The following HDAC7 variants were observed in gnomAD, a reference collection of about 807,000 sequenced individuals.
HDAC7 encodes histone deacetylase 7A.
In HDAC7, 26 loss-of-function variants were observed where a neutral mutation model predicts 115.5. That is an observed-to-expected ratio of 0.23 (90% CI 0.16 to 0.31). The LOEUF (loss-of-function observed/expected upper bound fraction) is 0.31, where lower values mean the gene tolerates loss of function less well. Ranked by LOEUF, HDAC7 falls within the 10% of genes least tolerant of loss-of-function variation. HDAC7 has a pLI of 1.00. For missense variants in HDAC7, 1,068 were observed against 1,329.0 expected (o/e 0.80, Z 3.05); for synonymous variants, 564 against 550.9 (o/e 1.02, Z -0.33).
intron 1 of HDAC7, among the ~76,000 whole-genome samples, chr12:47,811,711 G>C (rs1944675437): frequency 6.6e-6 from 1 of 152,212 alleles, no homozygotes; most frequent in Non-Finnish European, 1.5e-5. Context: ...CAAAGTCAAA[G>C]TGTGACCTCG....
chr12:47,784,246 T>C (rs1425399737), intron 24 of HDAC7, 29 bp from the exon 25 acceptor site: 4 of 1,596,760 alleles, frequency 2.5e-6, no homozygotes, highest in Admixed American at 1.7e-5. Flanking sequence ...TCAGAAAGGG[T>C]TGGAGAAAGC....
At chr12:47,806,964 G>A (rs1200916651) in intron 1 of HDAC7, among the ~76,000 whole-genome samples, 1 of 148,798 alleles carries the variant, frequency 6.7e-6, no homozygotes, top group Non-Finnish European at 1.5e-5. Context: ...TTTTGAGATG[G>A]AGTCTCGCTC....
chr12:47,819,776 G>T lies in HDAC7; in HGVS notation c.10C>A (p.Pro4Thr). MHS[P>T]GADGTQVSPG... ...GCCGCCCAGTACTCACCAGCGCCGGGGCTGTGCATCCAGGGGCCGGGGCCC... is the reference window on the plus strand; with the variant it reads ...GCCGCCCAGTACTCACCAGCGCCGGTGCTGTGCATCCAGGGGCCGGGGCCC... Residue 4 changes from proline to threonine, a missense_variant, in exon 1 of 26, where the codon CCC becomes ACC. Pro to Thr is a conservative substitution (Grantham distance 38, BLOSUM62 -1). Transcript: ENST00000080059. The T allele has an allele frequency of 2.4e-6, 2 of 832,396 alleles. No homozygotes were observed. Among genetic ancestry groups the T allele is most frequent in the African/African-American group, 1.8e-5 (1 of 54,352 alleles). 51.6% of individuals were successfully genotyped at this position (832,396 alleles called of 1,614,324 possible). A position where few individuals can be genotyped will look rare whatever the true frequency, so the allele number is the denominator to read the frequency against.
At position 47,792,002 on chromosome 12, in the gene HDAC7, G is replaced by T; in HGVS notation, c.1681C>A (p.Leu561Met). 1 of 1,604,942 alleles carries T rather than the reference G, an allele frequency of 6.2e-7. No individual in the cohort carries two copies. The highest frequency in any genetic ancestry group is 1.7e-5 in the Admixed American group (1 of 59,604). ...PARTLPFTTG[L>M]IYDSVMLKHQ... ...TTCAGCATGACCGAGTCATAGATCA[G>T]CCCTGCAGGAGCAAGGGTCAGAGCG... The change falls in exon 14 of 26, where the codon CTG (leucine) becomes ATG (methionine). Residue 561 changes from leucine to methionine, a missense_variant and splice_region_variant. Around this residue, in one of 6 missense-constraint regions of HDAC7, gnomAD observed 618 missense variants for 701.5 expected, o/e 0.88. Coordinates refer to ENST00000080059, the MANE Select transcript of HDAC7 (RefSeq NM_015401.5).
chr12:47,787,943 C>T (rs1943261518), intron 20 of HDAC7, 102 bp downstream of exon 20: 1 of 1,568,876 alleles, frequency 6.4e-7, no homozygotes, highest in Admixed American at 1.8e-5. Flanking sequence ...CAGAGAGGCT[C>T]AGCAGTCTGC....
At chr12:47,792,155 C>T (rs1943567402) in intron 13 of HDAC7, 151 bp from the exon 14 acceptor site, 1 of 838,716 alleles carries the variant, frequency 1.2e-6, no homozygotes, top group African/African-American at 1.7e-5. Flanking sequence ...TGCATTTCAT[C>T]CTGCCCCTAC....
rs770424566 is a variant in HDAC7, at chr12:47,793,801, C to T, written c.1459-213G>A. Reference sequence around the variant, plus strand: ...CAGGTTTGCACCCCAGACTGACCACCCATTCCACCAGCTCCCCGGGCCCTT... The same window carrying T: ...CAGGTTTGCACCCCAGACTGACCACTCATTCCACCAGCTCCCCGGGCCCTT... On this transcript the variant is annotated intron_variant, in intron 12 of 25. Transcript: ENST00000080059. The surrounding 1 kb of genome is among the most constrained non-coding windows in gnomAD (Gnocchi z 4.5). Among the ~76,000 whole-genome samples the T allele has an allele frequency of 5.9e-5, 9 of 152,176 alleles. No individual in the cohort carries two copies. The highest frequency in any genetic ancestry group is 1.0e-4 in the Non-Finnish European group (7 of 68,022).
At position 47,791,953 on chromosome 12, in the gene HDAC7, T is replaced by C; in HGVS notation, c.1730A>G (p.Asn577Ser). The stretch of plus-strand genomic sequence containing the variant: ...GCCGGCGTGCTCCGGGTGCCTGCTG[T>C]TGTCACCGCAGGAGCACTGGTGCTT... ...MLKHQCSCGD[N>S]SRHPEHAGRI... The change falls in exon 14 of 26, where the codon AAC becomes AGC. Residue 577 changes from asparagine to serine, a missense_variant. By Grantham distance (46) the Asn-to-Ser change is conservative (BLOSUM62 1). This residue lies in a region of HDAC7 where 618 missense variants were observed against 701.5 expected (regional missense o/e 0.88). Transcript: ENST00000080059. 4 of 1,611,630 alleles carry C rather than the reference T, an allele frequency of 2.5e-6. No individual in the cohort carries two copies. Among genetic ancestry groups the C allele is most frequent in the Non-Finnish European group, 3.4e-6 (4 of 1,179,470 alleles).
chr12:47,789,990 T>G, intron 16 of HDAC7, 70 bp from the exon 17 acceptor site: 6 of 1,182,424 alleles, frequency 5.1e-6, no homozygotes, highest in Non-Finnish European at 6.3e-6. Flanking sequence ...AAGGGGGTGG[T>G]CCCCACCCCA....
chr12:47,790,907 A>G (rs898698190), intron 16 of HDAC7: 4 of 366,434 alleles, frequency 1.1e-5, no homozygotes, highest in African/African-American at 8.6e-5. Flanking sequence ...GCCACTTAAG[A>G]GCAGACAGAG....
intron 1 of HDAC7, among the ~76,000 whole-genome samples, chr12:47,809,165 C>T (rs1346972554): frequency 6.6e-6 from 1 of 152,140 alleles, no homozygotes; most frequent in Non-Finnish European, 1.5e-5. Context: ...GCACAGTCAC[C>T]GCCCCAGGCT....
intron 1 of HDAC7, among the ~76,000 whole-genome samples, chr12:47,808,796 G>A (rs1944520576): frequency 6.6e-6 from 1 of 152,136 alleles, no homozygotes; most frequent in Admixed American, 6.5e-5. Flanking sequence ...TGCCCACTTA[G>A]GGAATTCCTG....
At chr12:47,811,884 T>G (rs908249361) in intron 1 of HDAC7, among the ~76,000 whole-genome samples, 2 of 152,256 alleles carry the variant, frequency 1.3e-5, no homozygotes, top group African/African-American at 2.4e-5. Context: ...CAGGACTTAC[T>G]TAATGAATGC....
rs1943804983 is a variant in HDAC7, at chr12:47,795,927, C to T, written c.885G>A (p.Leu295=). The T allele has an allele frequency of 3.2e-6, 5 of 1,550,976 alleles. No individual in the cohort carries two copies. The highest frequency in any genetic ancestry group is 4.4e-6 in the Non-Finnish European group (5 of 1,148,080). Residue 295 remains leucine (L), a synonymous_variant, in exon 9 of 26, where the codon CTG becomes CTA. Coordinates refer to ENST00000080059, the MANE Select transcript of HDAC7 (RefSeq NM_015401.5). This position sits in a 1 kb window ranked among gnomAD's most constrained non-coding sequence, Gnocchi z 4.3. The part of the protein sequence containing the change: ...PTVSLLPAIT[L]GLPAPARADS... Reference sequence around the variant, plus strand: ...TCACCCTGGCAGGGGCGGGCAGCCCCAGAGTGATTGCGGGCAGCAAGGACA... The same window carrying T: ...TCACCCTGGCAGGGGCGGGCAGCCCTAGAGTGATTGCGGGCAGCAAGGACA...
chr12:47,791,388 A>G (rs999384495), intron 15 of HDAC7, 80 bp from the exon 16 acceptor site: 1 of 1,426,806 alleles, frequency 7.0e-7, no homozygotes, highest in African/African-American at 1.4e-5. Context: ...CCCAGAGAGC[A>G]GGGCCGGGTG....
intron 1 of HDAC7, 75 bp from the exon 2 acceptor site, chr12:47,802,349 G>C: frequency 6.5e-7 from 1 of 1,538,972 alleles, no homozygotes; most frequent in Non-Finnish European, 8.9e-7. Flanking sequence ...AGAAGGTCAA[G>C]CCAGGCCTGC....
intron 13 of HDAC7, chr12:47,792,577 G>GT (rs1285744421): frequency 2.2e-6 from 1 of 452,732 alleles, no homozygotes; most frequent in African/African-American, 2.0e-5. Flanking sequence ...CTCATTGCGG[G>GT]TGGGAGGGTC....
At chr12:47,802,659 G>T in intron 1 of HDAC7, 1 of 615,138 alleles carries the variant, frequency 1.6e-6, no homozygotes, top group Non-Finnish European at 2.8e-6. Flanking sequence ...AAGGCCAAGA[G>T]GTGAGGTGGG....
intron 1 of HDAC7, among the ~76,000 whole-genome samples, chr12:47,809,337 C>T (rs975723837): frequency 4.6e-5 from 7 of 152,186 alleles, no homozygotes; most frequent in Admixed American, 1.3e-4. Flanking sequence ...GCAGGCCGAG[C>T]GAGATGTGCC....
Sources: allele counts gnomAD v4.1 joint callset (sites outside exome capture counted in the v4.1 genomes callset), GRCh38; gene constraint gnomAD v4.1.1; regional missense constraint gnomAD v4.1.1; non-coding constraint Gnocchi (gnomAD v3.1); transcripts MANE v1.5; gene names NCBI Gene and HGNC (gene_info 2026-07-23, HGNC 2026-07-21).